The following SIPA1L1 variants were observed in gnomAD, a reference collection of about 807,000 sequenced individuals.
SIPA1L1 encodes signal induced proliferation associated 1 like 1.
In SIPA1L1, 26 loss-of-function variants were observed where a neutral mutation model predicts 162.7. The ratio of observed to expected loss-of-function variants is 0.16; its 90% confidence interval spans 0.12 to 0.22. The LOEUF is 0.22. SIPA1L1 is among the 10% of genes least tolerant of loss of function. The pLI, the probability that SIPA1L1 is intolerant of heterozygous loss-of-function variation, is 1.00. For missense variants in SIPA1L1, 1,874 were observed against 2,241.0 expected (o/e 0.84, Z 3.31); for synonymous variants, 829 against 837.4 (o/e 0.99, Z 0.17).
chr14:71,444,200 A>G lies in SIPA1L1; in HGVS notation c.-464-68543A>G, dbSNP rs567734586. On this transcript the variant is annotated intron_variant, in intron 2 of 23. Coordinates refer to ENST00000381232, the MANE Select transcript of SIPA1L1 (RefSeq NM_001386936.1). ...ATATACCTAGCAAGTACATTAGCCA[A>G]TTCACGTTCTCGAAAGTAATACCGA... Among the ~76,000 whole-genome samples the G allele has an allele frequency of 7.9e-5, 12 of 152,292 alleles. No individual in the cohort carries two copies. In the East Asian group the frequency reaches 1.9e-3, roughly 25 times the overall value.
intron 5 of SIPA1L1, among the ~76,000 whole-genome samples, chr14:71,612,471 T>C (rs2038341175): frequency 6.6e-6 from 1 of 152,242 alleles, no homozygotes; most frequent in Non-Finnish European, 1.5e-5. Flanking sequence ...TTAACTATTG[T>C]AAACATGTTT....
intron 2 of SIPA1L1, among the ~76,000 whole-genome samples, chr14:71,463,405 T>G (rs1215968310): frequency 6.6e-6 from 1 of 152,164 alleles, no homozygotes; most frequent in Non-Finnish European, 1.5e-5. Flanking sequence ...CTCCATTAAT[T>G]ACCTGACCTC....
chr14:71,552,897 G>A (rs992806240), intron 4 of SIPA1L1, among the ~76,000 whole-genome samples: 1 of 152,008 alleles, frequency 6.6e-6, no homozygotes, highest in Non-Finnish European at 1.5e-5. Context: ...TCTAAACCAG[G>A]GTCTCAACCT....
chr14:71,442,045 T>A (rs1359970059), intron 2 of SIPA1L1, among the ~76,000 whole-genome samples: 1 of 151,620 alleles, frequency 6.6e-6, no homozygotes, highest in Non-Finnish European at 1.5e-5. Context: ...TGGTGGTGCA[T>A]ACCTGTAGTC....
intron 4 of SIPA1L1, among the ~76,000 whole-genome samples, chr14:71,554,184 T>G (rs1409333511): frequency 1.3e-5 from 2 of 152,222 alleles, no homozygotes; most frequent in Non-Finnish European, 2.9e-5. Flanking sequence ...GTATTTTTTT[T>G]TCTGAACAAA....
intron 2 of SIPA1L1, among the ~76,000 whole-genome samples, chr14:71,382,369 G>T (rs375177179): frequency 1.3e-5 from 2 of 152,284 alleles, no homozygotes; most frequent in South Asian, 4.1e-4. Flanking sequence ...GATGAAATAG[G>T]CTTTAGAATC....
intron 2 of SIPA1L1, among the ~76,000 whole-genome samples, chr14:71,399,059 T>C (rs1435140696): frequency 1.3e-5 from 2 of 152,236 alleles, no homozygotes; most frequent in East Asian, 3.8e-4. Context: ...GAGTGGCAAC[T>C]AAGTTTAGCA....
At chr14:71,598,020 T>C (rs2036249767) in intron 5 of SIPA1L1, among the ~76,000 whole-genome samples, 1 of 152,230 alleles carries the variant, frequency 6.6e-6, no homozygotes, top group East Asian at 1.9e-4. Context: ...ATATGTCTTG[T>C]ATTCATAGCA....
chr14:71,717,758 G>C (rs1003919354), intron 17 of SIPA1L1, among the ~76,000 whole-genome samples: 2 of 152,202 alleles, frequency 1.3e-5, no homozygotes, highest in African/African-American at 4.8e-5. Context: ...TTGGTCAGCT[G>C]CAAGGAGCCC....
intron 17 of SIPA1L1, among the ~76,000 whole-genome samples, chr14:71,715,360 A>G (rs2083190323): frequency 6.6e-6 from 1 of 152,210 alleles, no homozygotes; most frequent in South Asian, 2.1e-4. Flanking sequence ...TGCACAAATT[A>G]AACAGATACA....
chr14:71,417,255 A>G (rs1488115063), intron 2 of SIPA1L1, among the ~76,000 whole-genome samples: 1 of 151,994 alleles, frequency 6.6e-6, no homozygotes, highest in African/African-American at 2.4e-5. Context: ...GTGGATCACG[A>G]GGTCAGGAGA....
chr14:71,597,767 C>T (rs755805599), intron 5 of SIPA1L1, among the ~76,000 whole-genome samples: 2 of 152,186 alleles, frequency 1.3e-5, no homozygotes, highest in Admixed American at 6.5e-5. Context: ...CAGGCTCCTG[C>T]CTGTCCTCCA....
intron 2 of SIPA1L1, among the ~76,000 whole-genome samples, chr14:71,481,659 C>A (rs2048360832): frequency 6.6e-6 from 1 of 152,200 alleles, no homozygotes; most frequent in South Asian, 2.1e-4. Flanking sequence ...CTAGTGAAAA[C>A]AACTACGTGG....
intron 3 of SIPA1L1, among the ~76,000 whole-genome samples, chr14:71,515,884 C>T (rs974409626): frequency 6.6e-6 from 1 of 152,158 alleles, no homozygotes; most frequent in Non-Finnish European, 1.5e-5. Context: ...TCAAGTGATC[C>T]GCCTGCCTCA....
intron 14 of SIPA1L1, among the ~76,000 whole-genome samples, chr14:71,700,258 A>C (rs2081982875): frequency 6.6e-6 from 1 of 151,570 alleles, no homozygotes; most frequent in African/African-American, 2.4e-5. Flanking sequence ...CCAAAAAATA[A>C]AAGCAAGTGG....
chr14:71,669,886 T>C (rs1047266253), intron 10 of SIPA1L1, among the ~76,000 whole-genome samples: 1 of 152,228 alleles, frequency 6.6e-6, no homozygotes, highest in Non-Finnish European at 1.5e-5. Flanking sequence ...TTTATTTTTC[T>C]TATTTTCACA....
In SIPA1L1 at chr14:71,723,715, A is replaced by G. The variant is rs878885235; in HGVS notation, c.4277A>G (p.Glu1426Gly). Residue 1426 changes from glutamate to glycine, a missense_variant, in exon 18 of 24, where the codon GAG becomes GGG. Physicochemically the swap from Glu to Gly is moderately conservative, Grantham distance 98. Coordinates refer to ENST00000381232, the MANE Select transcript of SIPA1L1 (RefSeq NM_001386936.1). Reference protein sequence around the residue: ...FTSARSSPKEELHPAAPSQLA... With the variant: ...FTSARSSPKEGLHPAAPSQLA... ...AGTGCCCGGAGTTCACCTAAAGAAG[A>G]GCTTCATCCAGCTGCCCCCTCACAG... The G allele has an allele frequency of 1.2e-6, 2 of 1,614,136 alleles. No homozygotes were observed. The highest frequency in any genetic ancestry group is 1.7e-6 in the Non-Finnish European group (2 of 1,180,030).
intron 2 of SIPA1L1, among the ~76,000 whole-genome samples, chr14:71,436,877 G>GCCT (rs1388669704): frequency 4.0e-5 from 6 of 149,168 alleles, no homozygotes; most frequent in Non-Finnish European, 7.4e-5. Context: ...TGATTCTCCT[G>GCCT]CCTCAGTCTC....
chr14:71,324,442 C>T (rs1288145674), intron 2 of SIPA1L1, among the ~76,000 whole-genome samples: 1 of 152,080 alleles, frequency 6.6e-6, no homozygotes, highest in African/African-American at 2.4e-5. Context: ...CTACTTTCTC[C>T]CCCCACTTAA....
Sources: gnomAD v4.1 joint callset for allele counts (sites outside exome capture counted in the v4.1 genomes callset) on GRCh38, gnomAD v4.1.1 for gene constraint, MANE v1.5 for transcripts, NCBI Gene and HGNC (gene_info 2026-07-23, HGNC 2026-07-21) for gene names.